The following DIAPH2 variants were observed in gnomAD, a reference collection of about 807,000 sequenced individuals.
DIAPH2 encodes the protein diaphanous related formin 2, also known as protein diaphanous homolog 2.
Under a neutral mutation model 92.7 loss-of-function variants are expected in DIAPH2, and 35 were observed. The observed-to-expected ratio is 0.38, with a 90% CI of 0.29 to 0.50. DIAPH2 has a LOEUF of 0.50. DIAPH2 is among the 20% of genes least tolerant of loss of function. The pLI is 0.94. For synonymous variants in DIAPH2, 301 were observed against 280.4 expected, an observed-to-expected ratio of 1.07 and a Z score of -0.73; for missense variants, 701 against 819.5, an observed-to-expected ratio of 0.86 and a Z score of 1.77.
Position 97,141,744 on chromosome X carries a change from A to G in DIAPH2, c.2669A>G (p.Asp890Gly). 1 of 1,205,046 alleles carries G rather than the reference A, an allele frequency of 8.3e-7. No individual in the cohort carries two copies. Among genetic ancestry groups the G allele is most frequent in the Non-Finnish European group, 1.1e-6 (1 of 893,133 alleles). ...IADICEEKYRDILKFPEELEH... is the reference protein window; with the variant it reads ...IADICEEKYRGILKFPEELEH... Reference sequence around the variant, plus strand: ...GACATTTGTGAGGAAAAATATCGAGATATCCTAAAATTTCCTGAAGAACTG... The same window carrying G: ...GACATTTGTGAGGAAAAATATCGAGGTATCCTAAAATTTCCTGAAGAACTG... The change falls in exon 22 of 27, where the codon GAT (aspartate) becomes GGT (glycine). Residue 890 changes from aspartate to glycine, a missense_variant. Asp to Gly is a moderately conservative substitution (Grantham distance 94, BLOSUM62 -1). Coordinates refer to ENST00000324765, the MANE Select transcript of DIAPH2 (RefSeq NM_006729.5).
chrX:97,406,286 T>G (rs1317401584), intron 25 of DIAPH2, among the ~76,000 whole-genome samples: 1 of 111,746 alleles, frequency 8.9e-6, no homozygotes, highest in Non-Finnish European at 1.9e-5. Flanking sequence ...TGTTGATTTC[T>G]CCCGGTTTGA....
At chrX:97,436,900 T>C (rs1218212338) in intron 26 of DIAPH2, among the ~76,000 whole-genome samples, 3 of 112,231 alleles carry the variant, frequency 2.7e-5, no homozygotes, top group Non-Finnish European at 5.6e-5. Context: ...AATGCCTCTC[T>C]CTTTTCCTTT....
chrX:97,326,527 C>T (rs1363657241), intron 23 of DIAPH2, among the ~76,000 whole-genome samples: 4 of 111,872 alleles, frequency 3.6e-5, no homozygotes, highest in Admixed American at 1.9e-4. Flanking sequence ...CTTAGAGCTT[C>T]AAGATAGCTG....
chrX:97,586,908 G>A (rs2071482754), intron 26 of DIAPH2, among the ~76,000 whole-genome samples: 1 of 111,954 alleles, frequency 8.9e-6, no homozygotes, highest in African/African-American at 3.2e-5. Context: ...GGTATCAGGG[G>A]ATCCAATATA....
intron 5 of DIAPH2, among the ~76,000 whole-genome samples, chrX:96,898,766 A>T (rs1337339007): frequency 9.4e-6 from 1 of 105,953 alleles, no homozygotes; most frequent in African/African-American, 3.4e-5. Flanking sequence ...TTTTGTTGCC[A>T]TTGCTTTTGG....
chrX:97,340,348 C>T (rs935111755), intron 23 of DIAPH2, among the ~76,000 whole-genome samples: 11 of 111,281 alleles, frequency 9.9e-5, no homozygotes, highest in Admixed American at 1.9e-4. Flanking sequence ...GCTGCCTGGC[C>T]GAGTCACACC....
chrX:96,847,931 T>C (rs931402571), intron 4 of DIAPH2, among the ~76,000 whole-genome samples: 9 of 112,134 alleles, frequency 8.0e-5, no homozygotes, highest in Non-Finnish European at 1.5e-4. Context: ...TGATTCTATA[T>C]TACTTTTAAA....
chrX:97,237,346 A>C (rs2068055894), intron 22 of DIAPH2, among the ~76,000 whole-genome samples: 1 of 110,180 alleles, frequency 9.1e-6, no homozygotes, highest in African/African-American at 3.3e-5. Context: ...ATTGTCATAA[A>C]GGATTTATCA....
At chrX:97,196,792 T>A in intron 22 of DIAPH2, among the ~76,000 whole-genome samples, 1 of 109,230 alleles carries the variant, frequency 9.2e-6, no homozygotes, top group Admixed American at 9.8e-5. Context: ...TTTTTCGGTT[T>A]TTTTTTTTTT....
At chrX:97,253,784 T>C (rs2068211706) in intron 23 of DIAPH2, among the ~76,000 whole-genome samples, 1 of 110,994 alleles carries the variant, frequency 9.0e-6, no homozygotes. Context: ...AAAAAAACAG[T>C]AATAATAGTA....
chrX:97,193,035 C>T (rs1220547684), intron 22 of DIAPH2, among the ~76,000 whole-genome samples: 1 of 76,724 alleles, frequency 1.3e-5, no homozygotes, highest in Non-Finnish European at 2.2e-5. Context: ...TTTTTTGAGA[C>T]AGGGTCTCTC....
At chrX:96,891,095 C>G (rs956281132) in intron 5 of DIAPH2, among the ~76,000 whole-genome samples, 2 of 111,507 alleles carry the variant, frequency 1.8e-5, no homozygotes, top group African/African-American at 6.5e-5. Context: ...GACCCACCAT[C>G]AATAAAAACC....
At chrX:96,899,925 T>G (rs1045129644) in intron 5 of DIAPH2, among the ~76,000 whole-genome samples, 2 of 111,092 alleles carry the variant, frequency 1.8e-5, no homozygotes, top group Non-Finnish European at 3.8e-5. Context: ...TTATTGAGAG[T>G]TTTTAGCATG....
At chrX:96,889,007 T>C (rs1223788751) in intron 5 of DIAPH2, among the ~76,000 whole-genome samples, 1 of 111,520 alleles carries the variant, frequency 9.0e-6, no homozygotes. Flanking sequence ...ACTGAATATT[T>C]TGACTTTCTT....
At chrX:96,922,070 A>G (rs2065549375) in intron 9 of DIAPH2, among the ~76,000 whole-genome samples, 1 of 111,274 alleles carries the variant, frequency 9.0e-6, no homozygotes, top group Non-Finnish European at 1.9e-5. Context: ...CCTCGCAGCA[A>G]TTGATTGAGA....
intron 2 of DIAPH2, among the ~76,000 whole-genome samples, chrX:96,737,099 G>A (rs925116944): frequency 1.8e-5 from 2 of 111,970 alleles, no homozygotes; most frequent in African/African-American, 6.5e-5. Flanking sequence ...TTAAGTTAAT[G>A]TGAAGACTGG....
chrX:97,022,871 T>C (rs1224727170), intron 17 of DIAPH2, among the ~76,000 whole-genome samples: 8 of 110,806 alleles, frequency 7.2e-5, no homozygotes, highest in Non-Finnish European at 1.9e-5. Flanking sequence ...CTGGGCAACA[T>C]AGGGAGACCC....
chrX:97,522,086 C>T (rs928535912), intron 26 of DIAPH2, among the ~76,000 whole-genome samples: 8 of 111,837 alleles, frequency 7.2e-5, no homozygotes, highest in Non-Finnish European at 1.9e-5. Context: ...CTTCCTTTTA[C>T]ATAAACATTA....
At chrX:97,352,247 A>C (rs1296208492) in intron 24 of DIAPH2, among the ~76,000 whole-genome samples, 2 of 111,158 alleles carry the variant, frequency 1.8e-5, no homozygotes, top group Admixed American at 9.6e-5. Flanking sequence ...ATGTAGCATA[A>C]ACAAAATGCA....
Sources: allele counts gnomAD v4.1 joint callset (sites outside exome capture counted in the v4.1 genomes callset), GRCh38; gene constraint gnomAD v4.1.1; transcripts MANE v1.5; gene names NCBI Gene and HGNC (gene_info 2026-07-23, HGNC 2026-07-21).